Variants in ODAD2 observed in about 807,000 individuals in gnomAD.
ODAD2 encodes the protein outer dynein arm docking complex subunit 2.
In ODAD2, 89 loss-of-function variants were observed where a neutral mutation model predicts 106.8. The ratio of observed to expected loss-of-function variants is 0.83; its 90% CI spans 0.70 to 0.99. The LOEUF (loss-of-function observed/expected upper bound fraction) is 0.99, where lower values mean the gene tolerates loss of function less well. ODAD2 is among the 50% of genes least tolerant of loss of function. The pLI is 0.00. For missense variants in ODAD2, 1,168 were observed against 1,238.5 expected (o/e 0.94, Z 0.85); for synonymous variants, 404 against 436.2 (o/e 0.93, Z 0.92).
At chr10:27,851,553 C>T (rs1187455553) in intron 19 of ODAD2, among the ~76,000 whole-genome samples, 1 of 151,536 alleles carries the variant, frequency 6.6e-6, no homozygotes, top group Non-Finnish European at 1.5e-5. Context: ...GTAAAACACA[C>T]TAGATGGCAA....
intron 7 of ODAD2, among the ~76,000 whole-genome samples, chr10:27,973,887 T>C (rs753919383): frequency 6.6e-6 from 1 of 152,232 alleles, no homozygotes; most frequent in African/African-American, 2.4e-5. Context: ...TGAACTAATT[T>C]ACACCCACCA....
At chr10:27,977,903 C>G (rs564212605) in intron 7 of ODAD2, among the ~76,000 whole-genome samples, 17 of 152,266 alleles carry the variant, frequency 1.1e-4, no homozygotes, top group African/African-American at 4.1e-4. Flanking sequence ...TGTGGAAGAA[C>G]TGGGACTCTC....
At chr10:27,910,660 G>T (rs563004617) in intron 16 of ODAD2, among the ~76,000 whole-genome samples, 2 of 152,216 alleles carry the variant, frequency 1.3e-5, no homozygotes, top group South Asian at 4.2e-4. Flanking sequence ...GGGAGGCTGA[G>T]GTAGGAGGAT....
intron 7 of ODAD2, among the ~76,000 whole-genome samples, chr10:27,973,849 G>A (rs1297039075): frequency 1.3e-5 from 2 of 152,102 alleles, no homozygotes; most frequent in Non-Finnish European, 2.9e-5. Context: ...GCTCCTTGAG[G>A]AATTGCCACA....
At chr10:27,907,345 G>C (rs1843672131) in intron 17 of ODAD2, among the ~76,000 whole-genome samples, 1 of 152,124 alleles carries the variant, frequency 6.6e-6, no homozygotes, top group Admixed American at 6.5e-5. Context: ...GGTAAATGCA[G>C]ACAAATTTCT....
intron 16 of ODAD2, among the ~76,000 whole-genome samples, chr10:27,930,600 C>T (rs1845547757): frequency 6.7e-6 from 1 of 149,556 alleles, no homozygotes; most frequent in Non-Finnish European, 1.5e-5. Flanking sequence ...GCACTCCAGC[C>T]TAGGCGACAG....
At chr10:27,824,026 G>C (rs903163143) in intron 19 of ODAD2, among the ~76,000 whole-genome samples, 4 of 136,398 alleles carry the variant, frequency 2.9e-5, no homozygotes, top group Non-Finnish European at 4.5e-5. Flanking sequence ...TGTAGTCCCA[G>C]CTACTCGGGA....
At chr10:27,908,076 G>A (rs1469035077) in intron 16 of ODAD2, among the ~76,000 whole-genome samples, 1 of 152,106 alleles carries the variant, frequency 6.6e-6, no homozygotes, top group East Asian at 1.9e-4. Context: ...TTACCTAAAT[G>A]TAAAAATACG....
chr10:27,889,872 A>C (rs1842451017), intron 17 of ODAD2, among the ~76,000 whole-genome samples: 1 of 152,164 alleles, frequency 6.6e-6, no homozygotes, highest in Non-Finnish European at 1.5e-5. Flanking sequence ...TGCAACATTC[A>C]CCAGCCAGAC....
intron 14 of ODAD2, 43 bp downstream of exon 14, chr10:27,939,854 T>C: frequency 1.6e-6 from 2 of 1,264,934 alleles, no homozygotes; most frequent in South Asian, 1.4e-5. Flanking sequence ...CCTTAAACTA[T>C]GTGAGAAAGA....
At chr10:27,991,109 T>C (rs923640578) in intron 2 of ODAD2, among the ~76,000 whole-genome samples, 6 of 152,228 alleles carry the variant, frequency 3.9e-5, no homozygotes, top group Admixed American at 1.3e-4. Flanking sequence ...CATTTGTTCT[T>C]AGTTTACAGC....
intron 7 of ODAD2, among the ~76,000 whole-genome samples, chr10:27,973,796 C>T (rs541535227): frequency 1.3e-4 from 20 of 152,110 alleles, no homozygotes; most frequent in Non-Finnish European, 2.8e-4. Flanking sequence ...TGGGTATATA[C>T]CCAGTAATGA....
intron 10 of ODAD2, among the ~76,000 whole-genome samples, chr10:27,959,292 GA>G (rs1382092706): frequency 1.3e-5 from 2 of 150,996 alleles, no homozygotes; most frequent in Non-Finnish European, 2.9e-5. Context: ...AGGAAGAAAG[GA>G]AGGCAGGCTA....
chr10:27,877,415 G>A (rs142766153), intron 17 of ODAD2, among the ~76,000 whole-genome samples: 257 of 152,258 alleles, frequency 1.7e-3, no homozygotes, highest in Non-Finnish European at 2.7e-3. Context: ...GTTCAACAGG[G>A]TCCCATAAGC....
chr10:27,882,401 T>C (rs905427284), intron 17 of ODAD2, among the ~76,000 whole-genome samples: 4 of 152,112 alleles, frequency 2.6e-5, no homozygotes, highest in African/African-American at 9.7e-5. Context: ...TCCAAAATTA[T>C]AGCATAGTGT....
At position 27,984,189 on chromosome 10, in the gene ODAD2, G is replaced by T. The variant is rs557070945; in HGVS notation, c.677C>A (p.Thr226Asn). The part of the protein sequence containing the change: ...NQTVLESIEY[T>N]SDYEFSNGCR... ...AGCCTGAGAAAACATCAAACCTGAG[G>T]TATATTCAATAGATTCCAAGACTGT... Residue 226 changes from threonine to asparagine, a missense_variant, in exon 5 of 20, where the codon ACC (threonine) becomes AAC (asparagine). Thr to Asn is a moderately conservative substitution (Grantham distance 65). Around this residue, in one of 3 missense-constraint regions of ODAD2, gnomAD observed 430 missense variants for 452.2 expected, o/e 0.95. Transcript: ENST00000305242. 1 of 1,607,352 alleles carries T rather than the reference G, an allele frequency of 6.2e-7. No homozygotes were observed. Among genetic ancestry groups the T allele is most frequent in the Non-Finnish European group, 8.5e-7 (1 of 1,174,386 alleles).
At chr10:27,854,613 C>T (rs1234594985) in intron 19 of ODAD2, among the ~76,000 whole-genome samples, 4 of 151,838 alleles carry the variant, frequency 2.6e-5, no homozygotes, top group East Asian at 1.9e-4. Flanking sequence ...AAAATTAGCC[C>T]GGTGTGGTGG....
At chr10:27,974,475 C>T (rs1265131623) in intron 7 of ODAD2, among the ~76,000 whole-genome samples, 1 of 152,040 alleles carries the variant, frequency 6.6e-6, no homozygotes, top group Non-Finnish European at 1.5e-5. Flanking sequence ...CACCATTTAT[C>T]GAATAGGGAG....
At chr10:27,982,784 G>C (rs1849643006) in intron 6 of ODAD2, among the ~76,000 whole-genome samples, 1 of 152,136 alleles carries the variant, frequency 6.6e-6, no homozygotes, top group Non-Finnish European at 1.5e-5. Context: ...CTGAGGGCAG[G>C]ATGTTGCAGA....
Sources: allele counts gnomAD v4.1 joint callset (sites outside exome capture counted in the v4.1 genomes callset), GRCh38; gene constraint gnomAD v4.1.1; regional missense constraint gnomAD v4.1.1; transcripts MANE v1.5; gene names NCBI Gene and HGNC (gene_info 2026-07-23, HGNC 2026-07-21).